The following CUBN variants were observed in gnomAD, a reference collection of about 807,000 sequenced individuals.
CUBN encodes 460 kDa receptor.
In CUBN, 282 loss-of-function variants were observed where a neutral mutation model predicts 405.3. The observed-to-expected ratio is 0.70, with a 90% confidence interval of 0.63 to 0.77. CUBN has a LOEUF of 0.77. CUBN is among the 30% of genes least tolerant of loss of function. The pLI is 0.00. For missense variants in CUBN, 4,514 were observed against 4,475.2 expected (o/e 1.01, Z -0.25); for synonymous variants, 1,684 against 1,617.0 (o/e 1.04, Z -0.99).
At position 16,839,024 on chromosome 10, in the gene CUBN, C is replaced by T. The variant is rs201961869; in HGVS notation, c.10032+1306G>A. Among the ~76,000 whole-genome samples, 3 of 152,184 alleles carry T rather than the reference C, an allele frequency of 2.0e-5. No individual in the cohort carries two copies. In the East Asian group the frequency reaches 5.8e-4, roughly 29 times the overall value. The stretch of plus-strand genomic sequence containing the variant: ...GCCAAACAGCCTCTTCACTGATTCT[C>T]TTGTGTTCTGTACTGACCCTTTCAA... On this transcript the variant is annotated intron_variant, in intron 62 of 66. Coordinates refer to ENST00000377833, the MANE Select transcript of CUBN (RefSeq NM_001081.4).
intron 64 of CUBN, among the ~76,000 whole-genome samples, chr10:16,833,047 A>T (rs1465770444): frequency 2.0e-5 from 3 of 151,974 alleles, no homozygotes; most frequent in Non-Finnish European, 4.4e-5. Flanking sequence ...AGGAATTCTC[A>T]CTCTCCACGG....
chr10:17,037,220 G>C (rs889533245), intron 27 of CUBN, among the ~76,000 whole-genome samples: 1 of 152,142 alleles, frequency 6.6e-6, no homozygotes, highest in Non-Finnish European at 1.5e-5. Context: ...ATGCAATCTT[G>C]TTTGACATTT....
intron 31 of CUBN, among the ~76,000 whole-genome samples, chr10:16,957,895 C>CA (rs61261595): frequency 0.21 from 27,851 of 133,654 alleles, 2,864 homozygotes; most frequent in Middle Eastern, 0.28. Flanking sequence ...ATAGACTTCT[C>CA]AAAAAAAAAA....
chr10:17,039,371 C>G (rs1834967928), intron 27 of CUBN, among the ~76,000 whole-genome samples: 1 of 152,174 alleles, frequency 6.6e-6, no homozygotes, highest in African/African-American at 2.4e-5. Flanking sequence ...TTCAATTCAA[C>G]TTGAACTTAC....
intron 54 of CUBN, among the ~76,000 whole-genome samples, chr10:16,892,094 G>A (rs1170800361): frequency 6.6e-6 from 1 of 152,098 alleles, no homozygotes; most frequent in Non-Finnish European, 1.5e-5. Flanking sequence ...TTTCTATTGG[G>A]AAATCAGTCC....
chr10:16,993,523 G>A (rs1447132799), intron 28 of CUBN, among the ~76,000 whole-genome samples: 1 of 150,088 alleles, frequency 6.7e-6, no homozygotes, highest in African/African-American at 2.4e-5. Flanking sequence ...TAGTTATATG[G>A]ACCCACAATG....
At chr10:17,088,923 C>T (rs186896735) in intron 14 of CUBN, among the ~76,000 whole-genome samples, 1 of 152,286 alleles carries the variant, frequency 6.6e-6, no homozygotes, top group Admixed American at 6.5e-5. Context: ...GATGCTGACC[C>T]CACTACCATC....
intron 7 of CUBN, among the ~76,000 whole-genome samples, chr10:17,114,901 G>A (rs552135511): frequency 2.6e-5 from 4 of 152,138 alleles, no homozygotes; most frequent in Non-Finnish European, 5.9e-5. Flanking sequence ...AACTTACAAG[G>A]CCAAGAGAAG....
At chr10:16,859,645 A>G (rs1564389963) in intron 59 of CUBN, among the ~76,000 whole-genome samples, 1 of 152,208 alleles carries the variant, frequency 6.6e-6, no homozygotes. Context: ...ACAGAATTTA[A>G]GAAAATCAAG....
At chr10:16,945,789 A>T (rs895654823) in intron 36 of CUBN, among the ~76,000 whole-genome samples, 2 of 150,944 alleles carry the variant, frequency 1.3e-5, no homozygotes, top group South Asian at 2.1e-4. Flanking sequence ...AAAAAAAAAA[A>T]AGACAAACCA....
chr10:17,048,515 T>C (rs948258902), intron 22 of CUBN, among the ~76,000 whole-genome samples: 42 of 152,070 alleles, frequency 2.8e-4, no homozygotes, highest in African/African-American at 9.9e-4. Flanking sequence ...TCTTGCTCTG[T>C]TGCCAAGGCT....
intron 36 of CUBN, among the ~76,000 whole-genome samples, chr10:16,942,934 T>C (rs780895167): frequency 6.6e-6 from 1 of 151,794 alleles, no homozygotes; most frequent in African/African-American, 2.4e-5. Flanking sequence ...AAAAATGTAC[T>C]TCTCTGTCAT....
chr10:17,014,103 C>T (rs1434326208), intron 28 of CUBN, among the ~76,000 whole-genome samples: 1 of 152,162 alleles, frequency 6.6e-6, no homozygotes, highest in African/African-American at 2.4e-5. Flanking sequence ...CCTTTGGCAC[C>T]TAGTATGCCA....
chr10:17,124,619 G>T (rs563927393), intron 4 of CUBN, among the ~76,000 whole-genome samples: 176 of 151,732 alleles, frequency 1.2e-3, no homozygotes, highest in African/African-American at 4.2e-3. Flanking sequence ...TAGTAGAGAC[G>T]GGGTTTCACC....
At chr10:16,858,788 T>A (rs1264035324) in intron 59 of CUBN, among the ~76,000 whole-genome samples, 2 of 152,208 alleles carry the variant, frequency 1.3e-5, no homozygotes, top group Admixed American at 1.3e-4. Context: ...ACATAATCAA[T>A]GGAATAGAAT....
chr10:16,865,799 T>C (rs973170832), intron 59 of CUBN, among the ~76,000 whole-genome samples: 1 of 152,074 alleles, frequency 6.6e-6, no homozygotes, highest in Non-Finnish European at 1.5e-5. Context: ...TCGGGTACCC[T>C]TCCACGCTGC....
At chr10:16,871,259 C>G (rs1840345232) in intron 58 of CUBN, among the ~76,000 whole-genome samples, 1 of 151,702 alleles carries the variant, frequency 6.6e-6, no homozygotes, top group Non-Finnish European at 1.5e-5. Context: ...CCAGGCTGGT[C>G]TTGAACTTCT....
At chr10:17,102,475 T>A (rs1330812429) in intron 13 of CUBN, among the ~76,000 whole-genome samples, 1 of 151,352 alleles carries the variant, frequency 6.6e-6, no homozygotes, top group African/African-American at 2.4e-5. Flanking sequence ...TTAGTAGAGC[T>A]GGATTTTCAC....
Position 16,990,382 on chromosome 10 carries a change from A to C in CUBN, c.4302T>G (p.His1434Gln). ...DPGSSIQLTI[H>Q]DFDVEYHSRC... is the part of the protein sequence containing the mutation. Reference sequence around the variant, plus strand: ...TTGAATGATACTCCACATCGAAGTCATGGATGGTGAGCTGAATGCTACTCC... The same window carrying C: ...TTGAATGATACTCCACATCGAAGTCCTGGATGGTGAGCTGAATGCTACTCC... Residue 1434 changes from histidine to glutamine, a missense_variant, in exon 29 of 67, where the codon CAT becomes CAG. By Grantham distance (24) the His-to-Gln change is conservative. Transcript: ENST00000377833. 6.2e-7 allele frequency: 1 copy of C among 1,614,206 alleles called. No individual in the cohort carries two copies. Among genetic ancestry groups the C allele is most frequent in the Non-Finnish European group, 8.5e-7 (1 of 1,180,030 alleles).
Sources: allele counts gnomAD v4.1 joint callset (sites outside exome capture counted in the v4.1 genomes callset), GRCh38; gene constraint gnomAD v4.1.1; transcripts MANE v1.5; gene names NCBI Gene and HGNC (gene_info 2026-07-23, HGNC 2026-07-21).